Variants in FBXL7 observed in about 807,000 individuals in gnomAD.
FBXL7 encodes F-box/LRR-repeat protein 7.
A neutral mutation model predicts 38.3 loss-of-function variants in FBXL7; 12 were observed. That is an observed-to-expected ratio of 0.31 (90% CI 0.20 to 0.51). FBXL7 has a LOEUF of 0.51. Ranked by LOEUF, FBXL7 falls within the 20% of genes least tolerant of loss-of-function variation. FBXL7 has a pLI of 0.98. For synonymous variants in FBXL7, 297 were observed against 300.9 expected (o/e 0.99, Z 0.13); for missense variants, 567 against 676.4 (o/e 0.84, Z 1.79).
At chr5:15,766,967 A>T (rs1736607997) in intron 2 of FBXL7, among the ~76,000 whole-genome samples, 2 of 152,300 alleles carry the variant, frequency 1.3e-5, no homozygotes, top group South Asian at 4.1e-4. Flanking sequence ...CTGTTTTAAA[A>T]ATCTGTAATT....
chr5:15,742,274 A>G (rs1277801786), intron 2 of FBXL7, among the ~76,000 whole-genome samples: 2 of 152,340 alleles, frequency 1.3e-5, no homozygotes, highest in East Asian at 3.9e-4. Context: ...AGCAGTTCAG[A>G]CATTTTAAAA....
intron 1 of FBXL7, among the ~76,000 whole-genome samples, chr5:15,538,341 C>T (rs557663688): frequency 9.2e-5 from 14 of 152,240 alleles, no homozygotes; most frequent in South Asian, 8.3e-4. Flanking sequence ...TTAACTGATA[C>T]GATACTATTC....
chr5:15,500,859 C>A, intron 1 of FBXL7, 146 bp downstream of exon 1: 2 of 963,154 alleles, frequency 2.1e-6, no homozygotes, highest in Non-Finnish European at 3.1e-6. Flanking sequence ...TCTCCTTTGG[C>A]AGTGAGTGAC....
chr5:15,689,398 G>A (rs10866514), intron 2 of FBXL7, among the ~76,000 whole-genome samples: 101,733 of 151,832 alleles, frequency 0.67, 34,507 homozygotes, highest in South Asian at 0.79. Flanking sequence ...GGGATGTCCA[G>A]GTTCACTGTC....
chr5:15,746,620 C>T (rs1218572319), intron 2 of FBXL7, among the ~76,000 whole-genome samples: 4 of 151,956 alleles, frequency 2.6e-5, no homozygotes, highest in African/African-American at 9.7e-5. Context: ...TCCCAAGGGT[C>T]CCACTGCCTA....
intron 2 of FBXL7, among the ~76,000 whole-genome samples, chr5:15,770,612 G>A (rs1306339974): frequency 1.3e-5 from 2 of 152,212 alleles, no homozygotes; most frequent in African/African-American, 2.4e-5. Flanking sequence ...ACTAGTTTAA[G>A]TCTATGTTAC....
chr5:15,700,999 A>T (rs1407211747), intron 2 of FBXL7, among the ~76,000 whole-genome samples: 1 of 152,182 alleles, frequency 6.6e-6, no homozygotes, highest in Non-Finnish European at 1.5e-5. Flanking sequence ...AAAAAATCTG[A>T]ATTAGCCAAA....
intron 2 of FBXL7, 43 bp downstream of exon 2, chr5:15,616,115 G>T: frequency 7.1e-7 from 1 of 1,413,600 alleles, no homozygotes; most frequent in Non-Finnish European, 1.0e-6. Context: ...TCTTCACAGG[G>T]CTGGCTATTT....
At chr5:15,794,675 G>A (rs1737369029) in intron 2 of FBXL7, among the ~76,000 whole-genome samples, 2 of 152,148 alleles carry the variant, frequency 1.3e-5, no homozygotes, top group Admixed American at 1.3e-4. Context: ...CGTGAGTTGG[G>A]TGAGCAGCTT....
chr5:15,822,552 G>T (rs1284472322), intron 2 of FBXL7, among the ~76,000 whole-genome samples: 1 of 150,762 alleles, frequency 6.6e-6, no homozygotes, highest in African/African-American at 2.4e-5. Context: ...TTTAATTATC[G>T]TACTTAGCCC....
chr5:15,750,164 TC>T (rs1207273295), intron 2 of FBXL7, among the ~76,000 whole-genome samples: 1 of 152,232 alleles, frequency 6.6e-6, no homozygotes, highest in East Asian at 1.9e-4. Flanking sequence ...AAAGATCCCT[TC>T]CCTCAAAGAA....
chr5:15,821,074 C>G lies in FBXL7; in HGVS notation c.128-106816C>G, dbSNP rs151023264. Among the ~76,000 whole-genome samples, 446 of 152,282 alleles carry G rather than the reference C, an allele frequency of 2.9e-3. 2 individuals are homozygous for G. The highest frequency in any genetic ancestry group is 4.8e-3 in the South Asian group (23 of 4,824). On this transcript the variant is annotated intron_variant, in intron 2 of 3. Transcript: ENST00000504595. ...TACCGCTTATTCAACTTTGCTCCCC[C>G]ATCCCACTGAATAGAGTCGGACACA...
chr5:15,877,800 G>T (rs542653611), intron 2 of FBXL7, among the ~76,000 whole-genome samples: 1 of 152,124 alleles, frequency 6.6e-6, no homozygotes, highest in African/African-American at 2.4e-5. Flanking sequence ...GTTTGCTAAA[G>T]AAATTACTAT....
At chr5:15,646,119 T>G (rs1238410758) in intron 2 of FBXL7, among the ~76,000 whole-genome samples, 1 of 135,472 alleles carries the variant, frequency 7.4e-6, no homozygotes, top group Non-Finnish European at 1.5e-5. Flanking sequence ...GGGATAATAG[T>G]ATATGTTTCA....
At chr5:15,841,053 C>CAA (rs1015818238) in intron 2 of FBXL7, among the ~76,000 whole-genome samples, 2 of 151,958 alleles carry the variant, frequency 1.3e-5, no homozygotes, top group African/African-American at 4.8e-5. Flanking sequence ...CCATTAGTTC[C>CAA]AAAAGTTTAT....
In FBXL7 at chr5:15,933,833, G is replaced by T. The variant is rs750572787; in HGVS notation, c.740-2617G>T. Among the ~76,000 whole-genome samples the T allele has an allele frequency of 2.0e-5, 3 of 152,166 alleles. No homozygotes were observed. The South Asian group carries it at 6.2e-4, about 32-fold the overall frequency. Reference sequence around the variant, plus strand: ...TTGGATATTGCGTGAAACAGCCAAGGTGCAGAAGTGTCCGAAGTGAGGCGC... The same window carrying T: ...TTGGATATTGCGTGAAACAGCCAAGTTGCAGAAGTGTCCGAAGTGAGGCGC... On this transcript the variant is annotated intron_variant, in intron 3 of 3. Transcript: ENST00000504595.
intron 2 of FBXL7, among the ~76,000 whole-genome samples, chr5:15,841,112 G>A (rs1738735386): frequency 6.6e-6 from 1 of 151,958 alleles, no homozygotes; most frequent in Admixed American, 6.6e-5. Flanking sequence ...ACATTTATCA[G>A]TTAGTATAAC....
At chr5:15,762,537 A>G (rs890947706) in intron 2 of FBXL7, among the ~76,000 whole-genome samples, 3 of 152,206 alleles carry the variant, frequency 2.0e-5, no homozygotes, top group Non-Finnish European at 4.4e-5. Flanking sequence ...CAGCTGGGCT[A>G]CTTAATATTA....
At chr5:15,805,296 T>C (rs1336324005) in intron 2 of FBXL7, among the ~76,000 whole-genome samples, 1 of 152,152 alleles carries the variant, frequency 6.6e-6, no homozygotes, top group Non-Finnish European at 1.5e-5. Context: ...GAGAAGGGTG[T>C]TGTGCTGGAT....
Sources: allele counts gnomAD v4.1 joint callset (sites outside exome capture counted in the v4.1 genomes callset), GRCh38; gene constraint gnomAD v4.1.1; transcripts MANE v1.5; gene names NCBI Gene and HGNC (gene_info 2026-07-23, HGNC 2026-07-21).